C9: variants seen among roughly 807,000 people sequenced by gnomAD.
C9 encodes the protein complement C9.
Under a neutral mutation model 65.4 loss-of-function variants are expected in C9, and 63 were observed. The observed-to-expected ratio is 0.96, with a 90% CI of 0.79 to 1.19. The LOEUF is 1.19. Ranked by LOEUF, C9 falls within the 50% of genes most tolerant of loss-of-function variation. The pLI is 0.00. For synonymous variants in C9, 229 were observed against 227.9 expected (o/e 1.00, Z -0.04); for missense variants, 744 against 670.1 (o/e 1.11, Z -1.22).
At chr5:39,343,210 G>T (rs955982820) in intron 1 of C9, among the ~76,000 whole-genome samples, 1 of 152,206 alleles carries the variant, frequency 6.6e-6, no homozygotes, top group East Asian at 1.9e-4. Context: ...CACTGAGTGT[G>T]TGCTGAAGCA....
chr5:39,325,299 T>C (rs533726782), intron 5 of C9, among the ~76,000 whole-genome samples: 112 of 152,296 alleles, frequency 7.4e-4, no homozygotes, highest in Middle Eastern at 3.4e-3. Flanking sequence ...CTTAACCCTT[T>C]AGCCATTAAG....
chr5:39,322,198 A>T (rs1753676478), intron 5 of C9, among the ~76,000 whole-genome samples: 1 of 152,024 alleles, frequency 6.6e-6, no homozygotes, highest in Admixed American at 6.6e-5. Context: ...TAACAGGAGA[A>T]ATTTTGGGAA....
Position 39,308,352 on chromosome 5 carries a change from T to TC in C9, c.1117dup (p.Glu373GlyfsTer21). Reference sequence around the variant, plus strand: ...AAGGCATCTCTTTATGTCTTTTAGTTCAACACCTGTTTAATGAATTTATTT... The same window carrying TC: ...AAGGCATCTCTTTATGTCTTTTAGTTCCAACACCTGTTTAATGAATTTATTT... On this transcript the variant is annotated frameshift_variant, in exon 8 of 11. Transcript: ENST00000263408. LOFTEE classifies it high-confidence loss of function. 6.3e-7 allele frequency: 1 copy of TC among 1,587,874 alleles called. No homozygotes were observed. Among genetic ancestry groups the TC allele is most frequent in the Non-Finnish European group, 8.6e-7 (1 of 1,156,278 alleles).
chr5:39,298,553 G>A (rs1284711981), intron 9 of C9, among the ~76,000 whole-genome samples: 1 of 151,466 alleles, frequency 6.6e-6, no homozygotes, highest in Non-Finnish European at 1.5e-5. Flanking sequence ...GATAAAAACT[G>A]AATCAGAAAA....
rs149836549 is a variant in C9 at position 39,341,558 on chromosome 5, G to A, written c.326C>T (p.Thr109Ile). The A allele has an allele frequency of 2.0e-5, 32 of 1,613,592 alleles. No homozygotes were observed. In the African/African-American group the frequency reaches 2.7e-4, roughly 13 times the overall value. Residue 109 changes from threonine (T) to isoleucine (I), a missense_variant and splice_region_variant, in exon 3 of 11, where the codon ACA (threonine) becomes ATA (isoleucine). Thr to Ile is a moderately conservative substitution (Grantham distance 89, BLOSUM62 -1). Coordinates refer to ENST00000263408, the MANE Select transcript of C9 (RefSeq NM_001737.5). ...DDCGNDFQCSTGRCIKMRLRC... is the reference protein window; with the variant it reads ...DDCGNDFQCSIGRCIKMRLRC... ...AGCAATTCAAGCACAAAGATTACCT[G>A]TACTGCATTGAAAGTCATTTCCGCA... is the stretch of plus-strand genomic sequence containing the variant.
intron 1 of C9, among the ~76,000 whole-genome samples, chr5:39,349,642 G>T (rs1579878290): frequency 6.6e-6 from 1 of 152,236 alleles, no homozygotes. Flanking sequence ...CAACCCTCCT[G>T]CCCTGTGAAC....
chr5:39,302,676 G>A (rs1753306293), intron 9 of C9, among the ~76,000 whole-genome samples: 1 of 152,108 alleles, frequency 6.6e-6, no homozygotes, highest in South Asian at 2.1e-4. Context: ...GAGTGGTTGA[G>A]GGAAATGGGA....
chr5:39,343,774 C>T (rs1210009264), intron 1 of C9, among the ~76,000 whole-genome samples: 1 of 152,212 alleles, frequency 6.6e-6, no homozygotes, highest in African/African-American at 2.4e-5. Context: ...AGGCACCCCC[C>T]AGTAGGGGCA....
chr5:39,325,896 C>A (rs1291486620), intron 5 of C9, among the ~76,000 whole-genome samples: 1 of 152,002 alleles, frequency 6.6e-6, no homozygotes, highest in Non-Finnish European at 1.5e-5. Flanking sequence ...AGGATAACTC[C>A]ATCTAATTTC....
intron 5 of C9, among the ~76,000 whole-genome samples, chr5:39,324,097 A>C (rs1384579854): frequency 6.6e-6 from 1 of 152,206 alleles, no homozygotes. Flanking sequence ...ACTTAGGAAT[A>C]AATTTAACCA....
At chr5:39,338,149 G>T (rs552598480) in intron 4 of C9, among the ~76,000 whole-genome samples, 8 of 152,238 alleles carry the variant, frequency 5.3e-5, no homozygotes, top group African/African-American at 1.9e-4. Context: ...ATTAATTACT[G>T]ATTTATACCA....
chr5:39,297,221 C>A (rs554969516), intron 9 of C9, among the ~76,000 whole-genome samples: 1 of 151,594 alleles, frequency 6.6e-6, no homozygotes, highest in African/African-American at 2.4e-5. Flanking sequence ...TTACCCTGAT[C>A]CGATAACTAT....
chr5:39,362,643 A>G (rs1026734988), intron 1 of C9, among the ~76,000 whole-genome samples: 9 of 152,236 alleles, frequency 5.9e-5, no homozygotes, highest in Admixed American at 5.2e-4. Flanking sequence ...AGAGAGGCCA[A>G]GCAACCCGCC....
At chr5:39,306,263 C>T (rs1753374777) in intron 9 of C9, among the ~76,000 whole-genome samples, 1 of 151,642 alleles carries the variant, frequency 6.6e-6, no homozygotes, top group African/African-American at 2.4e-5. Flanking sequence ...CAGGGGCCGA[C>T]GGGAGGGAAC....
rs1176576867 is a variant in C9 at position 39,302,525 on chromosome 5, TA to T, written c.1416+4091del. Reference sequence around the variant, plus strand: ...GATTTTCACTGGTACTACAACCCTTTAAAATATTGATGCTCTTTAACATCTG... The same window carrying T: ...GATTTTCACTGGTACTACAACCCTTTAAATATTGATGCTCTTTAACATCTG... On this transcript the variant is annotated intron_variant, in intron 9 of 10. Coordinates refer to ENST00000263408, the MANE Select transcript of C9 (RefSeq NM_001737.5). Among the ~76,000 whole-genome samples the T allele has an allele frequency of 3.9e-5, 6 of 152,104 alleles. No individual in the cohort carries two copies. In the East Asian group the frequency reaches 9.6e-4, roughly 24 times the overall value.
intron 9 of C9, among the ~76,000 whole-genome samples, chr5:39,298,259 C>T (rs1343947997): frequency 4.0e-5 from 6 of 150,332 alleles, no homozygotes; most frequent in Non-Finnish European, 1.5e-5. Context: ...GCTTAAGAAA[C>T]TAGAAACAGA....
chr5:39,358,760 T>C (rs976441686), intron 1 of C9, among the ~76,000 whole-genome samples: 2 of 151,052 alleles, frequency 1.3e-5, no homozygotes, highest in African/African-American at 4.9e-5. Flanking sequence ...CCAAGGCGGG[T>C]GGATCATGAG....
chr5:39,289,589 T>A (rs1753052904), intron 9 of C9, among the ~76,000 whole-genome samples: 1 of 151,764 alleles, frequency 6.6e-6, no homozygotes, highest in Non-Finnish European at 1.5e-5. Flanking sequence ...AAACCATAGC[T>A]AGATATTTAG....
At chr5:39,305,448 T>C (rs966226886) in intron 9 of C9, among the ~76,000 whole-genome samples, 1 of 152,132 alleles carries the variant, frequency 6.6e-6, no homozygotes, top group African/African-American at 2.4e-5. Flanking sequence ...ACTAGTCCTA[T>C]GAAAATGTTA....
Sources: gnomAD v4.1 joint callset for allele counts (sites outside exome capture counted in the v4.1 genomes callset) on GRCh38, gnomAD v4.1.1 for gene constraint, MANE v1.5 for transcripts, NCBI Gene and HGNC (gene_info 2026-07-23, HGNC 2026-07-21) for gene names.